Variants in KIAA1549L observed in about 807,000 individuals in gnomAD.
The protein encoded by KIAA1549L is UPF0606 protein KIAA1549L.
KIAA1549L carries 88 observed loss-of-function variants against 160.7 expected under a neutral mutation model. That is an observed-to-expected ratio of 0.55 (90% CI 0.46 to 0.65). KIAA1549L has a LOEUF of 0.65. Among genes scored for constraint, KIAA1549L ranks in the 30% least tolerant of loss-of-function variants. KIAA1549L has a pLI of 0.00. For synonymous variants in KIAA1549L, 950 were observed against 976.7 expected, an observed-to-expected ratio of 0.97 and a Z score of 0.51; for missense variants, 2,258 against 2,437.5, an observed-to-expected ratio of 0.93 and a Z score of 1.55.
At position 33,667,891 on chromosome 11, in the gene KIAA1549L, A is replaced by T. The variant is rs765990826; in HGVS notation, c.6178A>T (p.Ile2060Phe). ...WADSVPLPGY[I>F]EAYPRSRYPQ... The stretch of plus-strand genomic sequence containing the variant: ...TCTGCAGGTGCCCCTCCCAGGGTAC[A>T]TCGAGGCCTACCCCCGATCACGGTA... The change falls in exon 21 of 21, where the codon ATC becomes TTC. Residue 2060 changes from isoleucine (I) to phenylalanine (F), a missense_variant. Ile to Phe is a conservative substitution (Grantham distance 21). This residue lies in a region of KIAA1549L where 1,359 missense variants were observed against 1,546.6 expected (regional missense o/e 0.88). Transcript: ENST00000658780. 1 of 1,612,396 alleles carries T rather than the reference A, an allele frequency of 6.2e-7. No homozygotes were observed. Among genetic ancestry groups the T allele is most frequent in the Non-Finnish European group, 8.5e-7 (1 of 1,179,318 alleles).
In KIAA1549L at chr11:33,544,893, C is replaced by T. The variant is rs759223647; in HGVS notation, c.2900C>T (p.Ala967Val). Residue 967 changes from alanine (A) to valine (V), a missense_variant, in exon 3 of 21, where the codon GCC becomes GTC. By Grantham distance (64) the Ala-to-Val change is moderately conservative (BLOSUM62 0). Transcript: ENST00000658780. ...VAKGTSSSPL[A>V]VASGPAKSSS... Reference sequence around the variant, plus strand: ...AAGGGCACCAGCAGCAGCCCTTTGGCCGTGGCCTCAGGACCAGCTAAGAGC... The same window carrying T: ...AAGGGCACCAGCAGCAGCCCTTTGGTCGTGGCCTCAGGACCAGCTAAGAGC... 2 of 1,613,050 alleles carry T rather than the reference C, an allele frequency of 1.2e-6. No individual in the cohort carries two copies. Among genetic ancestry groups the T allele is most frequent in the East Asian group, 2.2e-5 (1 of 44,826 alleles).
chr11:33,478,174 C>T lies in KIAA1549L; in HGVS notation c.239-63628C>T, dbSNP rs150208243. On this transcript the variant is annotated intron_variant, in intron 1 of 20. Transcript: ENST00000658780. ...TTGTCTTCTGTGGTATGCAGATTCACCTGACCTTGAACTCACTGATGACAT... is the reference window on the plus strand; with the variant it reads ...TTGTCTTCTGTGGTATGCAGATTCATCTGACCTTGAACTCACTGATGACAT... Among the ~76,000 whole-genome samples, 1,212 of 152,352 alleles carry T rather than the reference C, an allele frequency of 8.0e-3. 6 individuals carry two copies. Among genetic ancestry groups the T allele is most frequent in the Non-Finnish European group, 0.012 (836 of 68,038 alleles).
intron 4 of KIAA1549L, among the ~76,000 whole-genome samples, chr11:33,549,411 G>T (rs1854378805): frequency 6.6e-6 from 1 of 152,182 alleles, no homozygotes; most frequent in Admixed American, 6.5e-5. Flanking sequence ...GATGTTAAAA[G>T]CAAATATTCA....
intron 5 of KIAA1549L, 65 bp downstream of exon 5, chr11:33,551,324 A>G: frequency 7.3e-7 from 1 of 1,373,476 alleles, no homozygotes; most frequent in East Asian, 2.4e-5. Context: ...CCAAGTGGAC[A>G]CCTGTTTAAA....
At chr11:33,655,495 A>G (rs1386105376) in intron 17 of KIAA1549L, among the ~76,000 whole-genome samples, 1 of 152,208 alleles carries the variant, frequency 6.6e-6, no homozygotes, top group African/African-American at 2.4e-5. Context: ...TAATCATCTA[A>G]TATTTATTGA....
Position 33,447,897 on chromosome 11 carries a change from G to A in KIAA1549L, c.238+71008G>A, listed in dbSNP as rs183798116. Reference sequence around the variant, plus strand: ...GGTAGAAGTATGCAGAAGATGCTGCGAGAACTTGAGGAAAGAGTGAGCATT... The same window carrying A: ...GGTAGAAGTATGCAGAAGATGCTGCAAGAACTTGAGGAAAGAGTGAGCATT... On this transcript the variant is annotated intron_variant, in intron 1 of 20. Coordinates refer to ENST00000658780, the MANE Select transcript of KIAA1549L (RefSeq NM_012194.3). Among the ~76,000 whole-genome samples the A allele has an allele frequency of 2.2e-3, 331 of 152,198 alleles. 2 individuals are homozygous for A. Among genetic ancestry groups the A allele is most frequent in the African/African-American group, 7.5e-3 (311 of 41,530 alleles).
chr11:33,402,005 A>C (rs1850511147), intron 1 of KIAA1549L, among the ~76,000 whole-genome samples: 1 of 152,162 alleles, frequency 6.6e-6, no homozygotes, highest in Non-Finnish European at 1.5e-5. Context: ...CCCGTGGGGG[A>C]ATTTAGGAGC....
Position 33,672,343 on chromosome 11 carries a change from T to C in KIAA1549L, c.*4189T>C, listed in dbSNP as rs7101438. On this transcript the variant is annotated 3_prime_UTR_variant, in exon 21 of 21. Transcript: ENST00000658780. ...CACGCTCTGACTAGCATCTCTGTGATGCCTAAGGCAAATTTTTGAGGATCT... is the reference window on the plus strand; with the variant it reads ...CACGCTCTGACTAGCATCTCTGTGACGCCTAAGGCAAATTTTTGAGGATCT... 48,562 of 152,168 alleles carry C rather than the reference T, an allele frequency of 0.32. 7,770 individuals carry two copies. The highest frequency in any genetic ancestry group is 0.35 in the South Asian group (1,678 of 4,816). The allele number at this position is 152,168 out of a possible 1,614,324, so 9.4% of individuals were successfully genotyped here.
intron 15 of KIAA1549L, among the ~76,000 whole-genome samples, chr11:33,616,024 T>G (rs141434015): frequency 2.5e-3 from 382 of 152,324 alleles, no homozygotes; most frequent in African/African-American, 8.7e-3. Flanking sequence ...GGGCACAGTT[T>G]ATACTATTAG....
intron 10 of KIAA1549L, among the ~76,000 whole-genome samples, 168 bp downstream of exon 10, chr11:33,575,041 G>C (rs17339984): frequency 0.04 from 6,123 of 152,206 alleles, 171 homozygotes; most frequent in Non-Finnish European, 0.062. Context: ...AAGCAATAAG[G>C]GATATGTTTT....
Position 33,551,076 on chromosome 11 carries a change from G to A in KIAA1549L, c.3538G>A (p.Gly1180Ser), listed in dbSNP as rs2133197804. The change falls in exon 5 of 21, where the codon GGT becomes AGT. Residue 1180 changes from glycine (G) to serine (S), a missense_variant. Around this residue, in one of 6 missense-constraint regions of KIAA1549L, gnomAD observed 1,359 missense variants for 1,546.6 expected, o/e 0.88. Coordinates refer to ENST00000658780, the MANE Select transcript of KIAA1549L (RefSeq NM_012194.3). The stretch of plus-strand genomic sequence containing the variant: ...GGAATATTCTCATAATGTCACAGTT[G>A]GTTATTATGCTACCAAAGGGAAGTT... ...ILEYSHNVTV[G>S]YYATKGKLVY... is the part of the protein sequence containing the mutation. The A allele has an allele frequency of 1.9e-6, 3 of 1,613,932 alleles. No homozygotes were observed. The highest frequency in any genetic ancestry group is 3.3e-4 in the Middle Eastern group (2 of 6,060).
intron 1 of KIAA1549L, among the ~76,000 whole-genome samples, chr11:33,428,312 T>A (rs75202859): frequency 7.9e-5 from 12 of 152,146 alleles, no homozygotes; most frequent in South Asian, 2.1e-4. Flanking sequence ...CCTGTTTTTT[T>A]AAAAATTATA....
chr11:33,421,973 A>G (rs1851021001), intron 1 of KIAA1549L, among the ~76,000 whole-genome samples: 1 of 152,130 alleles, frequency 6.6e-6, no homozygotes, highest in African/African-American at 2.4e-5. Context: ...TGCTGCTGCT[A>G]TTGGTCTGGG....
chr11:33,440,618 C>T (rs1851482289), intron 1 of KIAA1549L, among the ~76,000 whole-genome samples: 1 of 152,184 alleles, frequency 6.6e-6, no homozygotes, highest in African/African-American at 2.4e-5. Context: ...ATTATCCATA[C>T]TTTTCTACAT....
intron 11 of KIAA1549L, among the ~76,000 whole-genome samples, chr11:33,586,635 G>A (rs7929150): frequency 0.058 from 8,827 of 152,090 alleles, 396 homozygotes; most frequent in Non-Finnish European, 0.1. Flanking sequence ...AGCTTGGAGG[G>A]TCTGTAATCT....
chr11:33,377,386 C>A (rs538849119), intron 1 of KIAA1549L, among the ~76,000 whole-genome samples: 1 of 152,284 alleles, frequency 6.6e-6, no homozygotes, highest in Admixed American at 6.5e-5. Context: ...CCAATAATTG[C>A]TTGCACCTTG....
chr11:33,630,443 G>A (rs548374265), intron 16 of KIAA1549L, among the ~76,000 whole-genome samples: 3,427 of 151,732 alleles, frequency 0.023, 133 homozygotes, highest in African/African-American at 0.073. Flanking sequence ...CTCCGTGGGC[G>A]TAGGCCCCTC....
At chr11:33,638,433 A>AATAAAT (rs1554927329) in intron 16 of KIAA1549L, among the ~76,000 whole-genome samples, 525 of 37,672 alleles carry the variant, frequency 0.014, 8 homozygotes, top group African/African-American at 0.086. Context: ...AAAAAAAAAA[A>AATAAAT]AAATAAATAA....
intron 1 of KIAA1549L, among the ~76,000 whole-genome samples, chr11:33,485,850 C>T (rs1017516704): frequency 2.0e-5 from 3 of 148,440 alleles, no homozygotes; most frequent in Non-Finnish European, 4.5e-5. Flanking sequence ...CTTTTTTAGA[C>T]TTTATATGTA....
Sources: allele counts gnomAD v4.1 joint callset (sites outside exome capture counted in the v4.1 genomes callset), GRCh38; gene constraint gnomAD v4.1.1; regional missense constraint gnomAD v4.1.1; transcripts MANE v1.5; gene names NCBI Gene and HGNC (gene_info 2026-07-23, HGNC 2026-07-21).